The following ARHGAP39 variants were observed in gnomAD, a reference collection of about 807,000 sequenced individuals.
ARHGAP39 encodes rho GTPase-activating protein 39.
In ARHGAP39, 44 loss-of-function variants were observed where a neutral mutation model predicts 106.9. That is an observed-to-expected ratio of 0.41 (90% CI 0.32 to 0.53). The LOEUF is 0.53. ARHGAP39 is among the 20% of genes least tolerant of loss of function. The pLI, the probability that ARHGAP39 is intolerant of heterozygous loss-of-function variation, is 0.21. For synonymous variants in ARHGAP39, 768 were observed against 693.2 expected (o/e 1.11, Z -1.69); for missense variants, 1,496 against 1,577.3 (o/e 0.95, Z 0.87).
At chr8:144,632,308 C>T (rs148946286) in intron 1 of ARHGAP39, among the ~76,000 whole-genome samples, 3 of 152,198 alleles carry the variant, frequency 2.0e-5, no homozygotes, top group African/African-American at 4.8e-5. Flanking sequence ...TCCAGAGCAC[C>T]GTCATCCTCC....
At chr8:144,674,049 C>T (rs1003683000) in intron 1 of ARHGAP39, among the ~76,000 whole-genome samples, 1 of 152,106 alleles carries the variant, frequency 6.6e-6, no homozygotes, top group African/African-American at 2.4e-5. Flanking sequence ...AGCCCTGGCT[C>T]GAGGAGACCC....
upstream of ARHGAP39, among the ~76,000 whole-genome samples, chr8:144,690,829 TTGTA>T (rs1822726998): frequency 6.6e-6 from 1 of 150,418 alleles, no homozygotes; most frequent in African/African-American, 2.5e-5. Flanking sequence ...TTTTTTTTTT[TTGTA>T]GTTTTGTAGA....
intron 1 of ARHGAP39, among the ~76,000 whole-genome samples, chr8:144,659,191 G>A (rs1251618273): frequency 6.6e-6 from 1 of 152,102 alleles, no homozygotes; most frequent in Non-Finnish European, 1.5e-5. Flanking sequence ...ACACTGTAAA[G>A]GACATAATTA....
At chr8:144,599,640 T>A (rs753060275) in intron 2 of ARHGAP39, among the ~76,000 whole-genome samples, 1 of 151,672 alleles carries the variant, frequency 6.6e-6, no homozygotes, top group Non-Finnish European at 1.5e-5. Flanking sequence ...CAAAATTATA[T>A]CAGGAAGAAT....
intron 2 of ARHGAP39, among the ~76,000 whole-genome samples, chr8:144,599,451 C>T (rs1263375598): frequency 6.6e-6 from 1 of 152,118 alleles, no homozygotes; most frequent in Non-Finnish European, 1.5e-5. Flanking sequence ...AATAAGAAAA[C>T]ATACTAACAT....
the ARHGAP39 span, among the ~76,000 whole-genome samples, chr8:144,695,062 C>T: frequency 6.7e-6 from 1 of 149,270 alleles, no homozygotes; most frequent in Non-Finnish European, 1.5e-5. Context: ...ATCAATCTAT[C>T]ATCCATTCTT....
rs1362117939 is a variant in ARHGAP39, at chr8:144,537,803, G to T, written c.2532C>A (p.His844Gln). The change falls in exon 7 of 12, where the codon CAC becomes CAA. Residue 844 changes from histidine to glutamine, a missense_variant. By Grantham distance (24) the His-to-Gln change is conservative. Coordinates refer to ENST00000377307, the MANE Select transcript of ARHGAP39 (RefSeq NM_025251.3). ...TGTTTCTTTCCAGGAGCTCTTTTAT[G>T]TGCTGTGTCACTGGGGAGCAAAGAC... Reference protein sequence around the residue: ...DPVNDTKVTQHIKELLERNTK... With the variant: ...DPVNDTKVTQQIKELLERNTK... 1 of 1,614,056 alleles carries T rather than the reference G, an allele frequency of 6.2e-7. No homozygotes were observed. Among genetic ancestry groups the T allele is most frequent in the Non-Finnish European group, 8.5e-7 (1 of 1,179,960 alleles).
rs900988366 is a variant in ARHGAP39 at position 144,671,241 on chromosome 8, G to T, written c.-82+14445C>A. On this transcript the variant is annotated intron_variant, in intron 1 of 11. Coordinates refer to ENST00000377307, the MANE Select transcript of ARHGAP39 (RefSeq NM_025251.3). The surrounding 1 kb of genome is among the most constrained non-coding windows in gnomAD (Gnocchi z 4.5). The stretch of plus-strand genomic sequence containing the variant: ...AGCATCTCCCAGCCAGGGGCACAGG[G>T]TCACCAACAGGCAGATTCTGCAAAT... Among the ~76,000 whole-genome samples, 5 of 152,186 alleles carry T rather than the reference G, an allele frequency of 3.3e-5. No homozygotes were observed. The highest frequency in any genetic ancestry group is 1.2e-4 in the African/African-American group (5 of 41,420).
chr8:144,549,073 G>C (rs1439851975), intron 4 of ARHGAP39, among the ~76,000 whole-genome samples: 1 of 152,262 alleles, frequency 6.6e-6, no homozygotes, highest in Non-Finnish European at 1.5e-5. Flanking sequence ...AAGGGCACCA[G>C]AGTCCCCGGA....
At position 144,641,537 on chromosome 8, in the gene ARHGAP39, AT is replaced by A; in HGVS notation, c.-81-35843del. Among the ~76,000 whole-genome samples the A allele has an allele frequency of 6.6e-6, 1 of 152,202 alleles. No individual in the cohort carries two copies. Among genetic ancestry groups the A allele is most frequent in the Non-Finnish European group, 1.5e-5 (1 of 68,016 alleles). On this transcript the variant is annotated intron_variant, in intron 1 of 11. Coordinates refer to ENST00000377307, the MANE Select transcript of ARHGAP39 (RefSeq NM_025251.3). This position sits in a 1 kb window ranked among gnomAD's most constrained non-coding sequence, Gnocchi z 5.2. ...AGCACCACCTGACCTGTCTCCTGGC[AT>A]CCCCTCAGCTCTCCTGCGTTCTGCC...
chr8:144,534,245 G>T (rs988199559), intron 7 of ARHGAP39, 43 bp from the exon 8 acceptor site: 65 of 1,608,134 alleles, frequency 4.0e-5, no homozygotes, highest in Non-Finnish European at 5.4e-5. Context: ...TGGGTGTGTG[G>T]GTGTGGGGCC....
intron 1 of ARHGAP39, among the ~76,000 whole-genome samples, chr8:144,660,799 G>T (rs772222991): frequency 3.9e-5 from 6 of 152,112 alleles, no homozygotes; most frequent in Non-Finnish European, 7.3e-5. Context: ...GGCCAACATG[G>T]TGAAATCCTG....
intron 4 of ARHGAP39, among the ~76,000 whole-genome samples, chr8:144,555,192 T>G (rs1482477187): frequency 2.6e-5 from 4 of 152,246 alleles, no homozygotes. Flanking sequence ...TCCACTGTGA[T>G]TAGCGCCAAC....
chr8:144,535,789 A>C (rs1415904597), intron 7 of ARHGAP39, among the ~76,000 whole-genome samples: 1 of 151,608 alleles, frequency 6.6e-6, no homozygotes, highest in Non-Finnish European at 1.5e-5. Context: ...ACCGCCTCTC[A>C]GCTGATGAAG....
At chr8:144,587,729 G>A (rs1331098360) in intron 2 of ARHGAP39, among the ~76,000 whole-genome samples, 9 of 150,510 alleles carry the variant, frequency 6.0e-5, no homozygotes, top group South Asian at 2.1e-4. Context: ...ATCTCGGCTC[G>A]CTGCGACTTC....
chr8:144,662,176 C>T (rs1176333149), intron 1 of ARHGAP39, among the ~76,000 whole-genome samples: 1 of 151,474 alleles, frequency 6.6e-6, no homozygotes, highest in Admixed American at 6.6e-5. Flanking sequence ...CCATTATCCA[C>T]CTTGGATCAC....
At chr8:144,649,386 C>G (rs962180009) in intron 1 of ARHGAP39, among the ~76,000 whole-genome samples, 1 of 152,048 alleles carries the variant, frequency 6.6e-6, no homozygotes, top group Non-Finnish European at 1.5e-5. Context: ...GGAGGCAGAA[C>G]TTGCAGTGAG....
intron 7 of ARHGAP39, among the ~76,000 whole-genome samples, chr8:144,535,029 G>A (rs1289848752): frequency 2.6e-5 from 4 of 152,212 alleles, no homozygotes; most frequent in African/African-American, 7.2e-5. Flanking sequence ...TCTGGGGCCA[G>A]GGGAGCCATG....
chr8:144,600,831 G>A (rs1015836536), intron 2 of ARHGAP39, among the ~76,000 whole-genome samples: 12 of 150,584 alleles, frequency 8.0e-5, no homozygotes, highest in Non-Finnish European at 8.9e-5. Flanking sequence ...GCGTGGAGGC[G>A]TGTGTGTGCT....
Sources: gnomAD v4.1 joint callset for allele counts (sites outside exome capture counted in the v4.1 genomes callset) on GRCh38, gnomAD v4.1.1 for gene constraint, Gnocchi (gnomAD v3.1) non-coding constraint, MANE v1.5 for transcripts, NCBI Gene and HGNC (gene_info 2026-07-23, HGNC 2026-07-21) for gene names.